The following SSPN variants were observed in gnomAD, a reference collection of about 807,000 sequenced individuals.
SSPN encodes K-ras oncogene-associated protein.
In SSPN, 15 loss-of-function variants were observed where a neutral mutation model predicts 19.1. That is an observed-to-expected ratio of 0.78 (90% CI 0.52 to 1.21). SSPN has a LOEUF of 1.21. SSPN is among the 50% of genes most tolerant of loss of function. The probability of loss-of-function intolerance (pLI) is 0.00; values close to 1 mark genes in which losing one functional copy is unlikely to be tolerated. For synonymous variants in SSPN, 147 were observed against 140.3 expected (o/e 1.05, Z -0.34); for missense variants, 291 against 314.0 (o/e 0.93, Z 0.55).
intron 1 of SSPN, among the ~76,000 whole-genome samples, chr12:26,133,833 A>G (rs751923242): frequency 1.3e-5 from 2 of 152,206 alleles, no homozygotes; most frequent in Non-Finnish European, 2.9e-5. Flanking sequence ...GGGATTCTGG[A>G]AAAATGTGGT....
intron 1 of SSPN, among the ~76,000 whole-genome samples, chr12:26,178,759 G>A (rs1944700400): frequency 6.6e-6 from 1 of 152,166 alleles, no homozygotes; most frequent in Non-Finnish European, 1.5e-5. Flanking sequence ...AGCAACTCTG[G>A]CCCCTGGTCT....
At chr12:26,190,006 C>G (rs1944777805) in intron 1 of SSPN, among the ~76,000 whole-genome samples, 1 of 151,958 alleles carries the variant, frequency 6.6e-6, no homozygotes, top group Non-Finnish European at 1.5e-5. Context: ...ACATGTAGTA[C>G]AAGAAGAAAA....
At chr12:26,210,256 A>G (rs1380624257) in intron 1 of SSPN, among the ~76,000 whole-genome samples, 1 of 152,084 alleles carries the variant, frequency 6.6e-6, no homozygotes, top group Non-Finnish European at 1.5e-5. Context: ...TTATTTATAA[A>G]TATTTTGCTA....
chr12:26,160,881 G>T (rs760249495), intron 1 of SSPN, among the ~76,000 whole-genome samples: 24 of 152,152 alleles, frequency 1.6e-4, no homozygotes, highest in Non-Finnish European at 2.6e-4. Context: ...GCCAAGGGGG[G>T]CAGATCACTT....
At chr12:26,226,882 CCCT>C (rs1945182073) in intron 2 of SSPN, among the ~76,000 whole-genome samples, 1 of 152,240 alleles carries the variant, frequency 6.6e-6, no homozygotes, top group South Asian at 2.1e-4. Context: ...AGCAGAAACA[CCCT>C]CCTCCCGAGG....
rs374687168 is a variant in SSPN at position 26,198,872 on chromosome 12, A to T, written c.279+2921A>T. Among the ~76,000 whole-genome samples the T allele has an allele frequency of 2.1e-4, 32 of 152,246 alleles. 1 individual carries two copies. In the South Asian group the frequency reaches 6.4e-3, roughly 31 times the overall value. On this transcript the variant is annotated intron_variant, in intron 1 of 2. Transcript: ENST00000242729. ...CAGGGCTGGTATATCCTGCCGGGTT[A>T]TATCAGTTTTCCCTGTTCAGGAGCC...
At chr12:26,217,083 TTAAAG>T (rs1945060902) in intron 1 of SSPN, among the ~76,000 whole-genome samples, 1 of 149,526 alleles carries the variant, frequency 6.7e-6, no homozygotes, top group Non-Finnish European at 1.5e-5. Flanking sequence ...CATATGAACT[TTAAAG>T]TAGTTTTTTC....
intron 1 of SSPN, among the ~76,000 whole-genome samples, chr12:26,156,739 GAC>G (rs1565674108): frequency 6.6e-6 from 1 of 152,220 alleles, no homozygotes; most frequent in East Asian, 1.9e-4. Context: ...AGCTCAGGAA[GAC>G]ACACTCTGTA....
chr12:26,195,919 G>A lies in SSPN; in HGVS notation c.247G>A (p.Val83Ile). Residue 83 changes from valine to isoleucine, a missense_variant, in exon 1 of 3, where the codon GTC becomes ATC. Physicochemically the swap from Val to Ile is conservative, Grantham distance 29 (BLOSUM62 3). This residue lies in a region of SSPN where 139 missense variants were observed against 119.6 expected (regional missense o/e 1.16). Transcript: ENST00000242729. Reference protein sequence around the residue: ...LMASISSSLLVRDTPFWAGII... With the variant: ...LMASISSSLLIRDTPFWAGII... Reference sequence around the variant, plus strand: ...GGCGAGCATCAGCTCCTCCCTGCTAGTCAGGGACACTCCATTTTGGGCTGG... The same window carrying A: ...GGCGAGCATCAGCTCCTCCCTGCTAATCAGGGACACTCCATTTTGGGCTGG... 1 of 1,558,820 alleles carries A rather than the reference G, an allele frequency of 6.4e-7. No individual in the cohort carries two copies. Among genetic ancestry groups the A allele is most frequent in the East Asian group, 2.5e-5 (1 of 40,336 alleles).
intron 1 of SSPN, among the ~76,000 whole-genome samples, chr12:26,163,032 CGTGTGTGT>C (rs138827156): frequency 6.9e-6 from 1 of 145,964 alleles, no homozygotes; most frequent in Non-Finnish European, 1.5e-5. Context: ...TGCTTCAAGA[CGTGTGTGT>C]GTGTGTGTGT....
At chr12:26,224,008 C>T (rs1202655472) in intron 1 of SSPN, among the ~76,000 whole-genome samples, 1 of 152,160 alleles carries the variant, frequency 6.6e-6, no homozygotes, top group African/African-American at 2.4e-5. Context: ...AACTGATGAA[C>T]ACTGAGTAAA....
chr12:26,161,926 A>T (rs1944591644), intron 1 of SSPN, among the ~76,000 whole-genome samples: 1 of 152,136 alleles, frequency 6.6e-6, no homozygotes, highest in African/African-American at 2.4e-5. Flanking sequence ...CCAGCCGCTC[A>T]CCCCATGCTG....
chr12:26,203,723 C>T (rs560663079), intron 1 of SSPN, among the ~76,000 whole-genome samples: 1 of 152,294 alleles, frequency 6.6e-6, no homozygotes, highest in South Asian at 2.1e-4. Flanking sequence ...TAACAAAATA[C>T]CGTAGACTGG....
chr12:26,124,877 T>G, intron 1 of SSPN: 4 of 1,158,462 alleles, frequency 3.5e-6, no homozygotes, highest in East Asian at 2.3e-5. Flanking sequence ...GATCTGTGCG[T>G]CTCCAGTCTC....
intron 1 of SSPN, chr12:26,122,540 C>T (rs1409329500): frequency 6.4e-6 from 8 of 1,251,504 alleles, no homozygotes; most frequent in Non-Finnish European, 8.1e-6. Flanking sequence ...ACGCCACCAG[C>T]GAGCTGAGCA....
At chr12:26,206,628 C>A (rs1172830254) in intron 1 of SSPN, among the ~76,000 whole-genome samples, 1 of 152,132 alleles carries the variant, frequency 6.6e-6, no homozygotes, top group Non-Finnish European at 1.5e-5. Flanking sequence ...CCGGAGTAGG[C>A]TCAATCCACA....
chr12:26,176,869 G>A (rs1475104594), intron 1 of SSPN, among the ~76,000 whole-genome samples: 2 of 152,122 alleles, frequency 1.3e-5, no homozygotes, highest in South Asian at 2.1e-4. Context: ...ACCTGCCTCC[G>A]TTCTCTTCCT....
At chr12:26,163,763 G>A (rs1944604112) in intron 1 of SSPN, among the ~76,000 whole-genome samples, 1 of 152,142 alleles carries the variant, frequency 6.6e-6, no homozygotes, top group South Asian at 2.1e-4. Context: ...TTTTGGAAGA[G>A]ATAAAGACAT....
intron 1 of SSPN, among the ~76,000 whole-genome samples, chr12:26,165,731 A>G (rs1353574397): frequency 6.6e-6 from 1 of 152,222 alleles, no homozygotes; most frequent in Non-Finnish European, 1.5e-5. Flanking sequence ...ACAAAAGGAA[A>G]TCATTTTTGT....
Sources: gnomAD v4.1 joint callset for allele counts (sites outside exome capture counted in the v4.1 genomes callset) on GRCh38, gnomAD v4.1.1 for gene constraint, gnomAD v4.1.1 regional missense constraint, MANE v1.5 for transcripts, NCBI Gene and HGNC (gene_info 2026-07-23, HGNC 2026-07-21) for gene names.